The following MGAT4C variants were observed in gnomAD, a reference collection of about 807,000 sequenced individuals.
The protein encoded by MGAT4C is alpha-1,3-mannosyl-glycoprotein 4-beta-N-acetylglucosaminyltransferase C.
Under a neutral mutation model 40.1 loss-of-function variants are expected in MGAT4C, and 19 were observed. The ratio of observed to expected loss-of-function variants is 0.47; its 90% CI spans 0.33 to 0.70. The LOEUF is 0.70. MGAT4C is among the 30% of genes least tolerant of loss of function. The pLI, the probability that MGAT4C is intolerant of heterozygous loss-of-function variation, is 0.02. For synonymous variants in MGAT4C, 181 were observed against 187.1 expected, an observed-to-expected ratio of 0.97 and a Z score of 0.27; for missense variants, 491 against 563.2, an observed-to-expected ratio of 0.87 and a Z score of 1.30.
chr12:86,452,501 C>A (rs1487051806), intron 2 of MGAT4C, among the ~76,000 whole-genome samples: 2 of 151,814 alleles, frequency 1.3e-5, no homozygotes, highest in African/African-American at 4.8e-5. Flanking sequence ...CTATTTTCTT[C>A]TTAATTTCTA....
chr12:86,275,402 G>C (rs1344747000), intron 4 of MGAT4C, among the ~76,000 whole-genome samples: 1 of 152,102 alleles, frequency 6.6e-6, no homozygotes, highest in East Asian at 1.9e-4. Flanking sequence ...TTTTATGAAG[G>C]TAAATGAAAT....
rs28806211 is a variant in MGAT4C, at chr12:86,441,603, T to C, written c.-228-6338A>G. Reference sequence around the variant, plus strand: ...ATGAGTGAGAACATGCAGTGTTTGGTTTTTTGTTCTTGCAACAGTTTGCTG... The same window carrying C: ...ATGAGTGAGAACATGCAGTGTTTGGCTTTTTGTTCTTGCAACAGTTTGCTG... On this transcript the variant is annotated intron_variant, in intron 2 of 7. Coordinates refer to the MGAT4C transcript ENST00000548651. Among the ~76,000 whole-genome samples, 489 of 150,352 alleles carry C rather than the reference T, an allele frequency of 3.3e-3. 2 individuals carry two copies. Among genetic ancestry groups the C allele is most frequent in the African/African-American group, 0.012 (477 of 40,950 alleles).
chr12:86,544,417 T>C (rs11103983), intron 2 of MGAT4C, among the ~76,000 whole-genome samples: 114,911 of 152,022 alleles, frequency 0.76, 45,093 homozygotes, highest in Middle Eastern at 0.87. Context: ...GTATCCTCAG[T>C]TTATTTGTGT....
At chr12:86,091,137 G>T (rs1025497946) in intron 1 of MGAT4C, among the ~76,000 whole-genome samples, 2 of 151,928 alleles carry the variant, frequency 1.3e-5, no homozygotes, top group African/African-American at 4.8e-5. Flanking sequence ...AATTCTTGGA[G>T]CTTCAGTAGA....
chr12:86,300,238 T>C (rs774625909), intron 4 of MGAT4C, among the ~76,000 whole-genome samples: 7 of 152,196 alleles, frequency 4.6e-5, no homozygotes, highest in Non-Finnish European at 8.8e-5. Context: ...AGTTTCACAC[T>C]GTGATGCAGG....
rs569528678 is a variant in MGAT4C at position 86,037,638 on chromosome 12, C to T, written c.-7+12036G>A. On this transcript the variant is annotated intron_variant, in intron 2 of 4. Coordinates refer to ENST00000611864, the MANE Select transcript of MGAT4C (RefSeq NM_001351288.2). The stretch of plus-strand genomic sequence containing the variant: ...TTAATCCTGAGTTCTTATTTGATTG[C>T]GCTGTGGTCTGAGAGAGTGTTTGTT... Among the ~76,000 whole-genome samples the T allele has an allele frequency of 1.6e-3, 237 of 149,712 alleles. 7 individuals carry two copies. Among genetic ancestry groups the T allele is most frequent in the East Asian group, 8.3e-3 (43 of 5,178 alleles).
At chr12:86,416,943 C>T (rs1248685931) in intron 3 of MGAT4C, among the ~76,000 whole-genome samples, 2 of 152,048 alleles carry the variant, frequency 1.3e-5, no homozygotes, top group African/African-American at 4.8e-5. Flanking sequence ...TTATTTCCTA[C>T]AGGTTTCAAA....
chr12:86,374,923 T>C (rs1349076319), intron 3 of MGAT4C, among the ~76,000 whole-genome samples: 3 of 152,168 alleles, frequency 2.0e-5, no homozygotes, highest in Non-Finnish European at 1.5e-5. Context: ...CACTAGATCT[T>C]ATGAACAAAT....
intron 1 of MGAT4C, among the ~76,000 whole-genome samples, chr12:86,785,185 A>C (rs1951911676): frequency 6.6e-6 from 1 of 152,080 alleles, no homozygotes; most frequent in African/African-American, 2.4e-5. Context: ...GAGAAAACTA[A>C]GCTATCACAA....
chr12:86,571,344 A>G (rs1352858010), intron 2 of MGAT4C, among the ~76,000 whole-genome samples: 1 of 152,144 alleles, frequency 6.6e-6, no homozygotes, highest in Non-Finnish European at 1.5e-5. Flanking sequence ...AGATGAATAT[A>G]AAACATGAAA....
At chr12:86,127,856 C>T (rs1480248481) in intron 1 of MGAT4C, among the ~76,000 whole-genome samples, 1 of 152,130 alleles carries the variant, frequency 6.6e-6, no homozygotes, top group African/African-American at 2.4e-5. Context: ...CGGTCATCTC[C>T]TATGGGAACA....
chr12:86,239,406 ATC>A (rs919197904), intron 1 of MGAT4C, among the ~76,000 whole-genome samples: 13 of 151,158 alleles, frequency 8.6e-5, no homozygotes, highest in African/African-American at 2.2e-4. Flanking sequence ...AGCCACAGCC[ATC>A]TCTCTCTCTC....
rs1951722065 is a variant in MGAT4C at position 86,774,629 on chromosome 12, A to C, written c.-261-47388T>G. On this transcript the variant is annotated intron_variant, in intron 1 of 7. Coordinates refer to the MGAT4C transcript ENST00000548651. ...TTTGCATCAGTGCAGTTTGTATATA[A>C]AATAATTCACCACATTTATCAATTT... 2.0e-5 allele frequency among the ~76,000 whole-genome samples: 3 copies of C among 152,042 alleles called. No homozygotes were observed. In the South Asian group the frequency reaches 6.2e-4, roughly 31 times the overall value.
intron 2 of MGAT4C, among the ~76,000 whole-genome samples, chr12:86,699,287 A>G (rs1950314397): frequency 6.6e-6 from 1 of 152,182 alleles, no homozygotes; most frequent in Non-Finnish European, 1.5e-5. Context: ...TCAGAAAATC[A>G]ATATGCTTTA....
chr12:86,583,821 T>C (rs1168665508), intron 2 of MGAT4C, among the ~76,000 whole-genome samples: 1 of 151,126 alleles, frequency 6.6e-6, no homozygotes. Flanking sequence ...TATTTTAAAG[T>C]ATTTATTGTA....
rs933378341 is a variant in MGAT4C at position 86,094,445 on chromosome 12, A to G, written c.-56-44722T>C. 3.9e-5 allele frequency among the ~76,000 whole-genome samples: 6 copies of G among 152,314 alleles called. No individual in the cohort carries two copies. In the East Asian group the frequency reaches 1.2e-3, roughly 29 times the overall value. On this transcript the variant is annotated intron_variant, in intron 1 of 4. Transcript: ENST00000611864. ...TCTTCGTAAATGCCATGTATATGTT[A>G]TAATAATATTGATAGATGTGAATAT...
chr12:86,103,718 A>T (rs1369425029), intron 1 of MGAT4C, among the ~76,000 whole-genome samples: 1 of 152,116 alleles, frequency 6.6e-6, no homozygotes, highest in Non-Finnish European at 1.5e-5. Flanking sequence ...AAGATGGGGA[A>T]GGGAGAGGAC....
chr12:86,089,147 A>G (rs1036629164), intron 1 of MGAT4C, among the ~76,000 whole-genome samples: 1 of 151,982 alleles, frequency 6.6e-6, no homozygotes, highest in African/African-American at 2.4e-5. Context: ...TTTAAGTTCA[A>G]TGCAAAGTTA....
chr12:86,623,037 A>T (rs1348057739), intron 2 of MGAT4C, among the ~76,000 whole-genome samples: 3 of 152,160 alleles, frequency 2.0e-5, no homozygotes, highest in Admixed American at 1.3e-4. Context: ...ACTTCAGAAC[A>T]AAAGATTAGT....
Sources: gnomAD v4.1 joint callset for allele counts (sites outside exome capture counted in the v4.1 genomes callset) on GRCh38, gnomAD v4.1.1 for gene constraint, MANE v1.5 for transcripts, NCBI Gene and HGNC (gene_info 2026-07-23, HGNC 2026-07-21) for gene names.